SPIDR: variants seen among roughly 807,000 people sequenced by gnomAD.
SPIDR encodes the protein scaffold protein involved in DNA repair.
Under a neutral mutation model 104.6 loss-of-function variants are expected in SPIDR, and 93 were observed. The ratio of observed to expected loss-of-function variants is 0.89; its 90% CI spans 0.75 to 1.06. SPIDR has a LOEUF of 1.06. Among genes scored for constraint, SPIDR ranks in the 50% least tolerant of loss-of-function variants. The pLI is 0.00. For synonymous variants in SPIDR, 431 were observed against 416.9 expected (o/e 1.03, Z -0.41); for missense variants, 1,154 against 1,111.2 (o/e 1.04, Z -0.55).
At chr8:47,431,721 A>ATC in intron 7 of SPIDR, among the ~76,000 whole-genome samples, 1 of 152,186 alleles carries the variant, frequency 6.6e-6, no homozygotes, top group Non-Finnish European at 1.5e-5. Context: ...CATGCTTAGA[A>ATC]TAATTGTGGC....
intron 5 of SPIDR, among the ~76,000 whole-genome samples, chr8:47,305,324 C>T (rs904283460): frequency 1.3e-5 from 2 of 152,138 alleles, no homozygotes; most frequent in African/African-American, 4.8e-5. Context: ...GACTCAGGCA[C>T]ATTTGTGAGA....
intron 8 of SPIDR, among the ~76,000 whole-genome samples, chr8:47,498,866 T>C (rs1404371442): frequency 6.6e-6 from 1 of 152,218 alleles, no homozygotes; most frequent in Non-Finnish European, 1.5e-5. Flanking sequence ...CTGGTTCATT[T>C]TGATCCCAAA....
In SPIDR at chr8:47,662,858, A is replaced by G. The variant is rs187587160; in HGVS notation, c.1545-10943A>G. Among the ~76,000 whole-genome samples, 300 of 152,322 alleles carry G rather than the reference A, an allele frequency of 2.0e-3. 2 individuals carry two copies. Among genetic ancestry groups the G allele is most frequent in the Non-Finnish European group, 3.0e-3 (203 of 68,010 alleles). On this transcript the variant is annotated intron_variant, in intron 10 of 19. Coordinates refer to ENST00000297423, the MANE Select transcript of SPIDR (RefSeq NM_001080394.4). ...CAAGAGAGTCATTGACCCTTCCGCT[A>G]TAGGAGGTTGCTTTGAAAAGACAGC...
chr8:47,370,602 A>G (rs1217290462), intron 5 of SPIDR, among the ~76,000 whole-genome samples: 3 of 151,352 alleles, frequency 2.0e-5, no homozygotes, highest in African/African-American at 7.3e-5. Context: ...GCGCGCCATC[A>G]TGTCTGGCTA....
chr8:47,541,912 C>T lies in SPIDR; in HGVS notation c.1098-53899C>T, dbSNP rs543967847. Reference sequence around the variant, plus strand: ...CGCCACTGCACTCCAGCTTGGGCGACAGAATGAGACTCCATCTCAGAAAAA... The same window carrying T: ...CGCCACTGCACTCCAGCTTGGGCGATAGAATGAGACTCCATCTCAGAAAAA... On this transcript the variant is annotated intron_variant, in intron 8 of 19. Coordinates refer to ENST00000297423, the MANE Select transcript of SPIDR (RefSeq NM_001080394.4). Among the ~76,000 whole-genome samples the T allele has an allele frequency of 5.9e-5, 9 of 152,240 alleles. No homozygotes were observed. The South Asian group carries it at 1.5e-3, about 25-fold the overall frequency.
At chr8:47,498,236 T>C (rs911186120) in intron 8 of SPIDR, among the ~76,000 whole-genome samples, 3 of 152,186 alleles carry the variant, frequency 2.0e-5, no homozygotes, top group Non-Finnish European at 4.4e-5. Context: ...GGGAAGCACA[T>C]TGTTGGCCAG....
intron 5 of SPIDR, among the ~76,000 whole-genome samples, chr8:47,341,990 CT>C (rs1284559254): frequency 2.6e-5 from 4 of 152,148 alleles, no homozygotes; most frequent in African/African-American, 9.7e-5. Context: ...TTCTATCGGG[CT>C]TTTTTCCATT....
At chr8:47,622,666 C>G (rs995480251) in intron 10 of SPIDR, among the ~76,000 whole-genome samples, 4 of 152,122 alleles carry the variant, frequency 2.6e-5, no homozygotes, top group African/African-American at 7.2e-5. Context: ...GGCACAGCAT[C>G]GGCCCTGCAT....
At chr8:47,611,994 C>T (rs569569986) in intron 10 of SPIDR, among the ~76,000 whole-genome samples, 67 of 152,284 alleles carry the variant, frequency 4.4e-4, no homozygotes, top group African/African-American at 1.5e-3. Context: ...GCCTTCCACA[C>T]GTACCTGGCC....
chr8:47,410,890 A>G (rs2063423656), intron 7 of SPIDR, among the ~76,000 whole-genome samples: 3 of 151,872 alleles, frequency 2.0e-5, no homozygotes, highest in Admixed American at 6.5e-5. Context: ...TTTCCCACCT[A>G]TGAGTGAGAA....
chr8:47,320,968 A>G (rs567449578), intron 5 of SPIDR, among the ~76,000 whole-genome samples: 17 of 152,228 alleles, frequency 1.1e-4, no homozygotes, highest in Non-Finnish European at 2.2e-4. Flanking sequence ...AGAGATATCT[A>G]TGACAAACCC....
rs77414516 is a variant in SPIDR at position 47,682,061 on chromosome 8, A to G, written c.1685+8120A>G. 9.1e-3 allele frequency among the ~76,000 whole-genome samples: 1,380 copies of G among 152,264 alleles called. 20 individuals carry two copies. The highest frequency in any genetic ancestry group is 0.032 in the African/African-American group (1,319 of 41,538). On this transcript the variant is annotated intron_variant, in intron 11 of 19. Coordinates refer to ENST00000297423, the MANE Select transcript of SPIDR (RefSeq NM_001080394.4). ...AATAATAAAATTCAAAAGTGATACA[A>G]TTAAACCAAGGTGGTCGTTGTCCTA...
chr8:47,728,027 G>T (rs1399896821), intron 17 of SPIDR, among the ~76,000 whole-genome samples: 1 of 152,042 alleles, frequency 6.6e-6, no homozygotes, highest in Non-Finnish European at 1.5e-5. Context: ...TGAGGCAGGA[G>T]AATCTCTCGA....
intron 8 of SPIDR, among the ~76,000 whole-genome samples, chr8:47,482,723 C>A (rs1421381252): frequency 6.6e-6 from 1 of 152,190 alleles, no homozygotes; most frequent in Non-Finnish European, 1.5e-5. Context: ...AAGAAGTTGG[C>A]AAGATATGAG....
At chr8:47,729,305 G>A (rs2084820648) in intron 18 of SPIDR, 107 bp from the exon 19 acceptor site, 2 of 1,485,872 alleles carry the variant, frequency 1.3e-6, no homozygotes, top group Non-Finnish European at 9.1e-7. Context: ...AAGCTCTGAA[G>A]ACAGGTGGTT....
intron 11 of SPIDR, among the ~76,000 whole-genome samples, chr8:47,693,385 G>T (rs1390897019): frequency 6.6e-6 from 1 of 152,204 alleles, no homozygotes; most frequent in Non-Finnish European, 1.5e-5. Flanking sequence ...AGAAATCAGG[G>T]CTCATGAAAA....
intron 7 of SPIDR, among the ~76,000 whole-genome samples, chr8:47,428,080 G>C (rs538997515): frequency 5.3e-5 from 8 of 152,280 alleles, no homozygotes; most frequent in African/African-American, 1.9e-4. Context: ...GCGCCACGAC[G>C]CCTGGCTAAT....
chr8:47,300,157 G>A lies in SPIDR; in HGVS notation c.525+6127G>A, dbSNP rs1459127483. Among the ~76,000 whole-genome samples, 9 of 152,164 alleles carry A rather than the reference G, an allele frequency of 5.9e-5. No individual in the cohort carries two copies. In the East Asian group the frequency reaches 1.4e-3, roughly 23 times the overall value. On this transcript the variant is annotated intron_variant, in intron 5 of 19. Coordinates refer to ENST00000297423, the MANE Select transcript of SPIDR (RefSeq NM_001080394.4). Reference sequence around the variant, plus strand: ...TGTTATTGGTCCATTCAGAGATTCAGCTTCTTGCTGGTTTAGTCTTGGGAG... The same window carrying A: ...TGTTATTGGTCCATTCAGAGATTCAACTTCTTGCTGGTTTAGTCTTGGGAG...
At chr8:47,647,412 C>T (rs999543275) in intron 10 of SPIDR, among the ~76,000 whole-genome samples, 1 of 152,014 alleles carries the variant, frequency 6.6e-6, no homozygotes, top group Non-Finnish European at 1.5e-5. Context: ...ATCAGGAGTT[C>T]GAGACCAGCC....
Sources: gnomAD v4.1 joint callset for allele counts (sites outside exome capture counted in the v4.1 genomes callset) on GRCh38, gnomAD v4.1.1 for gene constraint, MANE v1.5 for transcripts, NCBI Gene and HGNC (gene_info 2026-07-23, HGNC 2026-07-21) for gene names.